The following ISM1 variants were observed in gnomAD, a reference collection of about 807,000 sequenced individuals.
The protein encoded by ISM1 is isthmin-1.
In ISM1, 25 loss-of-function variants were observed where a neutral mutation model predicts 46.3. That is an observed-to-expected ratio of 0.54 (90% confidence interval 0.39 to 0.75). ISM1 has a LOEUF of 0.75. Among genes scored for constraint, ISM1 ranks in the 30% least tolerant of loss-of-function variants. ISM1 has a pLI of 0.00. For synonymous variants in ISM1, 255 were observed against 256.7 expected (o/e 0.99, Z 0.06); for missense variants, 536 against 625.4 (o/e 0.86, Z 1.52).
intron 1 of ISM1, among the ~76,000 whole-genome samples, chr20:13,235,637 G>A (rs187939674): frequency 3.3e-5 from 5 of 152,236 alleles, no homozygotes; most frequent in East Asian, 1.9e-4. Flanking sequence ...CACATGATTC[G>A]GCCCCCACCA....
intron 1 of ISM1, among the ~76,000 whole-genome samples, chr20:13,232,024 A>G (rs962403947): frequency 1.3e-5 from 2 of 152,204 alleles, no homozygotes; most frequent in South Asian, 2.1e-4. Context: ...TTCCTCCCAT[A>G]AGCATCCAGG....
At chr20:13,264,008 G>A (rs1335595128) in intron 1 of ISM1, among the ~76,000 whole-genome samples, 1 of 152,102 alleles carries the variant, frequency 6.6e-6, no homozygotes, top group Non-Finnish European at 1.5e-5. Context: ...CACATTAGGG[G>A]TAATGAGGCC....
intron 1 of ISM1, among the ~76,000 whole-genome samples, chr20:13,231,384 C>T (rs529186964): frequency 6.6e-6 from 1 of 152,332 alleles, no homozygotes; most frequent in East Asian, 1.9e-4. Context: ...AAGGTCACGC[C>T]TAGGCAAAGC....
At chr20:13,266,878 G>T (rs1176484168) in intron 1 of ISM1, among the ~76,000 whole-genome samples, 2 of 152,176 alleles carry the variant, frequency 1.3e-5, no homozygotes, top group Non-Finnish European at 2.9e-5. Flanking sequence ...GAGTGAACTT[G>T]GTAATAGCTG....
intron 1 of ISM1, among the ~76,000 whole-genome samples, chr20:13,263,881 T>C (rs2040015732): frequency 6.6e-6 from 1 of 152,252 alleles, no homozygotes. Flanking sequence ...ATAATCTCTG[T>C]TGTTTGTTGT....
chr20:13,291,251 C>G (rs2040350015), intron 4 of ISM1, among the ~76,000 whole-genome samples: 1 of 152,186 alleles, frequency 6.6e-6, no homozygotes. Flanking sequence ...CTTTCTGCCT[C>G]TCAGTTCCTG....
intron 1 of ISM1, among the ~76,000 whole-genome samples, chr20:13,245,036 T>C (rs982216826): frequency 6.6e-6 from 1 of 152,244 alleles, no homozygotes; most frequent in Non-Finnish European, 1.5e-5. Context: ...TGCACAACTT[T>C]GGACCATGAG....
At chr20:13,265,788 T>C (rs1326218510) in intron 1 of ISM1, among the ~76,000 whole-genome samples, 1 of 152,198 alleles carries the variant, frequency 6.6e-6, no homozygotes, top group African/African-American at 2.4e-5. Flanking sequence ...GAGGGCACAT[T>C]GCTACTGGTA....
At chr20:13,259,369 T>G (rs1254528719) in intron 1 of ISM1, among the ~76,000 whole-genome samples, 1 of 152,144 alleles carries the variant, frequency 6.6e-6, no homozygotes, top group Non-Finnish European at 1.5e-5. Flanking sequence ...TCCCACTTTC[T>G]ACTTTGCATT....
rs567155789 is a variant in ISM1, at chr20:13,231,321, C to T, written c.138+9407C>T. 3.9e-5 allele frequency among the ~76,000 whole-genome samples: 6 copies of T among 152,354 alleles called. No individual in the cohort carries two copies. The East Asian group carries it at 7.7e-4, about 20-fold the overall frequency. The stretch of plus-strand genomic sequence containing the variant: ...CAAAAGAACCAGGCTACCCCATGCC[C>T]TCCCGGAGCAGTCAGGAAGAGGGAA... On this transcript the variant is annotated intron_variant, in intron 1 of 5. Coordinates refer to ENST00000262487, the MANE Select transcript of ISM1 (RefSeq NM_080826.2).
the ISM1 span, among the ~76,000 whole-genome samples, chr20:13,319,579 A>G: frequency 9.2e-5 from 14 of 152,370 alleles, no homozygotes; most frequent in Admixed American, 8.5e-4. Flanking sequence ...GGCAGCTCGT[A>G]GAAGTATATC....
At chr20:13,225,898 A>G (rs1040820140) in intron 1 of ISM1, among the ~76,000 whole-genome samples, 3 of 152,222 alleles carry the variant, frequency 2.0e-5, no homozygotes, top group East Asian at 3.8e-4. Context: ...ATATAGATAT[A>G]TAATAAAAGT....
At chr20:13,281,463 G>A (rs751939587) in intron 3 of ISM1, among the ~76,000 whole-genome samples, 5 of 152,164 alleles carry the variant, frequency 3.3e-5, no homozygotes, top group African/African-American at 7.2e-5. Flanking sequence ...TGTTCATGGC[G>A]TTTCACATAT....
intron 1 of ISM1, among the ~76,000 whole-genome samples, chr20:13,223,162 A>T (rs956756763): frequency 1.7e-3 from 248 of 146,062 alleles, no homozygotes; most frequent in East Asian, 6.1e-3. Context: ...GTCTCAAAAA[A>T]AAAATAAAAT....
chr20:13,287,732 A>T (rs2040309835), intron 3 of ISM1, among the ~76,000 whole-genome samples: 1 of 152,234 alleles, frequency 6.6e-6, no homozygotes, highest in Non-Finnish European at 1.5e-5. Context: ...TTCAATAGGT[A>T]TTCACTGGAT....
chr20:13,317,791 C>T, the ISM1 span, among the ~76,000 whole-genome samples: 1 of 152,112 alleles, frequency 6.6e-6, no homozygotes, highest in South Asian at 2.1e-4. Context: ...AAAATTAACT[C>T]AAAATGAATC....
rs1375925227 is a variant in ISM1 at position 13,271,139 on chromosome 20, G to T, written c.378+396G>T. Among the ~76,000 whole-genome samples, 6 of 152,216 alleles carry T rather than the reference G, an allele frequency of 3.9e-5. No individual in the cohort carries two copies. In the East Asian group the frequency reaches 1.2e-3, roughly 29 times the overall value. On this transcript the variant is annotated intron_variant, in intron 2 of 5. Coordinates refer to ENST00000262487, the MANE Select transcript of ISM1 (RefSeq NM_080826.2). ...AAAAGGCCAATCTGACCTGTGAATAGATTGGGCAAATGTTTTCAAATATGA... is the reference window on the plus strand; with the variant it reads ...AAAAGGCCAATCTGACCTGTGAATATATTGGGCAAATGTTTTCAAATATGA...
intron 1 of ISM1, among the ~76,000 whole-genome samples, chr20:13,233,168 C>T (rs1249379014): frequency 2.6e-5 from 4 of 152,158 alleles, no homozygotes; most frequent in Admixed American, 6.5e-5. Context: ...AAATAGATTT[C>T]GTATCTCCTG....
the ISM1 span, among the ~76,000 whole-genome samples, chr20:13,313,125 A>G: frequency 6.0e-4 from 91 of 152,294 alleles, no homozygotes; most frequent in African/African-American, 2.1e-3. Context: ...TCCCGCATCC[A>G]GGTCTGCCCA....
Sources: allele counts gnomAD v4.1 joint callset (sites outside exome capture counted in the v4.1 genomes callset), GRCh38; gene constraint gnomAD v4.1.1; transcripts MANE v1.5; gene names NCBI Gene and HGNC (gene_info 2026-07-23, HGNC 2026-07-21).